The following DNAH8 variants were observed in gnomAD, a reference collection of about 807,000 sequenced individuals.
DNAH8 encodes the protein axonemal beta dynein heavy chain 8.
Under a neutral mutation model 562.1 loss-of-function variants are expected in DNAH8, and 382 were observed. That is an observed-to-expected ratio of 0.68 (90% CI 0.63 to 0.74). The LOEUF is 0.74. DNAH8 is among the 30% of genes least tolerant of loss of function. The probability of loss-of-function intolerance (pLI) is 0.00; values close to 1 mark genes in which losing one functional copy is unlikely to be tolerated. For missense variants in DNAH8, 5,203 were observed against 5,620.4 expected (o/e 0.93, Z 2.37); for synonymous variants, 1,881 against 1,919.4 (o/e 0.98, Z 0.52).
At position 38,815,579 on chromosome 6, in the gene DNAH8, A is replaced by G. The variant is rs1772183205; in HGVS notation, c.3445A>G (p.Ile1149Val). Residue 1149 changes from isoleucine (I) to valine (V), a missense_variant, in exon 26 of 93, where the codon ATC becomes GTC. Coordinates refer to ENST00000327475, the MANE Select transcript of DNAH8 (RefSeq NM_001206927.2). ...CTGGGGGCAACAGCAAATCCGTCCC[A>G]TCAAGTCTGTCATTCCCAGCCCCAC... The part of the protein sequence containing the change: ...AHWGQQQIRP[I>V]KSVIPSPTTT... 1.2e-6 allele frequency: 2 copies of G among 1,614,072 alleles called. No individual in the cohort carries two copies. The highest frequency in any genetic ancestry group is 1.3e-5 in the African/African-American group (1 of 75,058).
chr6:39,029,183 C>T (rs1185931590), intron 92 of DNAH8, among the ~76,000 whole-genome samples: 1 of 152,196 alleles, frequency 6.6e-6, no homozygotes, highest in Non-Finnish European at 1.5e-5. Context: ...TTACAACCAT[C>T]GAGCCCTCTG....
At chr6:38,924,571 T>G (rs1222131975) in intron 73 of DNAH8, among the ~76,000 whole-genome samples, 1 of 151,856 alleles carries the variant, frequency 6.6e-6, no homozygotes, top group Non-Finnish European at 1.5e-5. Context: ...GTTTTGAAAG[T>G]GCTTAAGAGT....
chr6:38,946,132 A>C (rs1323092155), intron 80 of DNAH8, among the ~76,000 whole-genome samples: 1 of 152,172 alleles, frequency 6.6e-6, no homozygotes, highest in Non-Finnish European at 1.5e-5. Flanking sequence ...CATGAGACTC[A>C]GAATAAAGAT....
intron 92 of DNAH8, 123 bp downstream of exon 92, chr6:39,026,790 C>A: frequency 9.5e-7 from 1 of 1,049,348 alleles, no homozygotes; most frequent in Non-Finnish European, 1.4e-6. Flanking sequence ...AGGGTTCCCT[C>A]CATCATAGCC....
At position 38,982,365 on chromosome 6, in the gene DNAH8, C is replaced by G. The variant is rs1281474390; in HGVS notation, c.12854C>G (p.Pro4285Arg). ...TTTAAGGAGCGACGAAAATTTGGCC[C>G]CTTAGGATGGAATATTCCCTACGAA... Reference protein sequence around the residue: ...STVQERRKFGPLGWNIPYEFN... With the variant: ...STVQERRKFGRLGWNIPYEFN... Residue 4285 changes from proline (P) to arginine (R), a missense_variant, in exon 86 of 93, where the codon CCC becomes CGC. Pro to Arg is a moderately radical substitution (Grantham distance 103). Around this residue, in one of 6 missense-constraint regions of DNAH8, gnomAD observed 1,399 missense variants for 1,518.4 expected, o/e 0.92. Transcript: ENST00000327475. 5 of 1,604,234 alleles carry G rather than the reference C, an allele frequency of 3.1e-6. No individual in the cohort carries two copies. The highest frequency in any genetic ancestry group is 4.3e-6 in the Non-Finnish European group (5 of 1,172,142).
intron 21 of DNAH8, among the ~76,000 whole-genome samples, chr6:38,795,724 C>T (rs1770192026): frequency 1.3e-5 from 2 of 152,114 alleles, no homozygotes; most frequent in Non-Finnish European, 2.9e-5. Flanking sequence ...AACCTACCAG[C>T]AAGTGGCGTT....
chr6:39,011,707 G>T (rs1766223801), intron 89 of DNAH8, among the ~76,000 whole-genome samples: 1 of 152,186 alleles, frequency 6.6e-6, no homozygotes, highest in Non-Finnish European at 1.5e-5. Context: ...ATTAGGAAAG[G>T]CTCTCTTTAG....
intron 40 of DNAH8, 70 bp downstream of exon 40, chr6:38,852,868 C>A: frequency 1.6e-6 from 2 of 1,223,114 alleles, no homozygotes; most frequent in Non-Finnish European, 2.4e-6. Flanking sequence ...GAATACAGTT[C>A]TCTTACAGAA....
At chr6:38,844,185 C>T (rs1450222527) in intron 35 of DNAH8, among the ~76,000 whole-genome samples, 2 of 152,130 alleles carry the variant, frequency 1.3e-5, no homozygotes, top group Non-Finnish European at 2.9e-5. Context: ...TCTTCTTCAC[C>T]CCATGGGAAC....
intron 67 of DNAH8, among the ~76,000 whole-genome samples, chr6:38,914,195 T>G (rs1781118612): frequency 6.6e-6 from 1 of 152,110 alleles, no homozygotes; most frequent in African/African-American, 2.4e-5. Flanking sequence ...TCTCTTGTTC[T>G]TTTTCATCTG....
chr6:38,889,901 C>T (rs1226294661), intron 57 of DNAH8, among the ~76,000 whole-genome samples: 2 of 152,002 alleles, frequency 1.3e-5, no homozygotes, highest in Admixed American at 6.5e-5. Context: ...TCATATTCCT[C>T]TGAGAATACC....
intron 20 of DNAH8, 107 bp from the exon 21 acceptor site, chr6:38,791,448 C>G: frequency 7.5e-7 from 1 of 1,324,650 alleles, no homozygotes; most frequent in Non-Finnish European, 1.0e-6. Flanking sequence ...ATGCAAGTTT[C>G]TAGACTTAGC....
At chr6:38,835,216 A>C (rs1774180981) in intron 32 of DNAH8, among the ~76,000 whole-genome samples, 1 of 152,112 alleles carries the variant, frequency 6.6e-6, no homozygotes, top group Non-Finnish European at 1.5e-5. Flanking sequence ...AGCATCAAGC[A>C]ATTCTCTTCT....
At chr6:38,926,423 C>T (rs1782129309) in intron 74 of DNAH8, among the ~76,000 whole-genome samples, 1 of 152,094 alleles carries the variant, frequency 6.6e-6, no homozygotes, top group Non-Finnish European at 1.5e-5. Context: ...TCTCTTTGTA[C>T]ATTTCCCTGA....
Position 38,971,647 on chromosome 6 carries a change from T to G in DNAH8, c.12507T>G (p.Ile4169Met), listed in dbSNP as rs557646259. 6.2e-7 allele frequency: 1 copy of G among 1,601,980 alleles called. No homozygotes were observed. Among genetic ancestry groups the G allele is most frequent in the African/African-American group, 1.3e-5 (1 of 74,594 alleles). ...QGQEVHARKL[I>M]QMSMQQGGWV... The stretch of plus-strand genomic sequence containing the variant: ...AAGAAGTACATGCTCGAAAGCTGAT[T>G]CAGATGTCAATGCAGCAGGTATGTG... The change falls in exon 83 of 93, where the codon ATT (isoleucine) becomes ATG (methionine). Residue 4169 changes from isoleucine (I) to methionine (M), a missense_variant. Ile to Met is a conservative substitution (Grantham distance 10). This residue lies in a region of DNAH8 where 1,399 missense variants were observed against 1,518.4 expected (regional missense o/e 0.92). Transcript: ENST00000327475.
At chr6:38,887,809 T>A (rs1248905227) in intron 57 of DNAH8, among the ~76,000 whole-genome samples, 1 of 151,260 alleles carries the variant, frequency 6.6e-6, no homozygotes, top group Non-Finnish European at 1.5e-5. Flanking sequence ...TAGCAAGTAC[T>A]GTAGTCAGAA....
intron 82 of DNAH8, among the ~76,000 whole-genome samples, chr6:38,952,702 T>G (rs1317331831): frequency 1.3e-5 from 2 of 152,202 alleles, no homozygotes; most frequent in Non-Finnish European, 2.9e-5. Context: ...TCATCTTGAC[T>G]TCACTCTATT....
chr6:38,929,695 AAG>A (rs752295304), intron 75 of DNAH8, 29 bp downstream of exon 75: 10 of 1,485,688 alleles, frequency 6.7e-6, no homozygotes, highest in African/African-American at 4.3e-5. Flanking sequence ...AAAAAAAAGA[AAG>A]AAAGAAAGAA....
intron 8 of DNAH8, chr6:38,744,303 C>G (rs1449947126): frequency 1.3e-5 from 2 of 152,224 alleles, no homozygotes; most frequent in East Asian, 3.9e-4. Context: ...CAGATCAAAA[C>G]TCTTGTGCTG....
Sources: allele counts gnomAD v4.1 joint callset (sites outside exome capture counted in the v4.1 genomes callset), GRCh38; gene constraint gnomAD v4.1.1; regional missense constraint gnomAD v4.1.1; transcripts MANE v1.5; gene names NCBI Gene and HGNC (gene_info 2026-07-23, HGNC 2026-07-21).